CADPS2: variants seen among roughly 807,000 people sequenced by gnomAD.
CADPS2 encodes calcium-dependent secretion activator 2.
In CADPS2, 93 loss-of-function variants were observed where a neutral mutation model predicts 172.5. That is an observed-to-expected ratio of 0.54 (90% CI 0.46 to 0.64). The LOEUF is 0.64. CADPS2 is among the 30% of genes least tolerant of loss of function. The pLI is 0.00. For missense variants in CADPS2, 1,420 were observed against 1,565.9 expected, an observed-to-expected ratio of 0.91 and a Z score of 1.57; for synonymous variants, 546 against 555.2, an observed-to-expected ratio of 0.98 and a Z score of 0.23.
chr7:122,746,654 C>T (rs1343985627), intron 1 of CADPS2, among the ~76,000 whole-genome samples: 1 of 151,998 alleles, frequency 6.6e-6, no homozygotes, highest in Non-Finnish European at 1.5e-5. Flanking sequence ...CACACACACA[C>T]ACACACCCTC....
chr7:122,720,905 G>A (rs1376149714), intron 2 of CADPS2, among the ~76,000 whole-genome samples: 1 of 151,838 alleles, frequency 6.6e-6, no homozygotes, highest in Admixed American at 6.6e-5. Flanking sequence ...AATATTGGCA[G>A]TTTCATATGG....
intron 3 of CADPS2, among the ~76,000 whole-genome samples, chr7:122,643,901 G>C (rs781780081): frequency 6.6e-6 from 1 of 151,938 alleles, no homozygotes; most frequent in Non-Finnish European, 1.5e-5. Flanking sequence ...GACCAGCTTG[G>C]GCAACATGGC....
chr7:122,610,151 TAA>T lies in CADPS2; in HGVS notation c.1223+5028_1223+5029del, dbSNP rs71161311. On this transcript the variant is annotated intron_variant, in intron 6 of 29. Transcript: ENST00000449022. Reference sequence around the variant, plus strand: ...ACAAATTTCCTTATAGAAAGAGTAATAAAAAAAAAAAAGAGCACTGGGGGCTT... The same window carrying T: ...ACAAATTTCCTTATAGAAAGAGTAATAAAAAAAAAAGAGCACTGGGGGCTT... 1.2e-3 allele frequency among the ~76,000 whole-genome samples: 168 copies of T among 145,026 alleles called. 1 individual carries two copies. Among genetic ancestry groups the T allele is most frequent in the African/African-American group, 4.1e-3 (162 of 39,476 alleles).
At chr7:122,689,554 G>A (rs1032973287) in intron 2 of CADPS2, among the ~76,000 whole-genome samples, 7 of 152,150 alleles carry the variant, frequency 4.6e-5, no homozygotes, top group African/African-American at 1.2e-4. Context: ...AACTGGAAAC[G>A]CAGCACCCTC....
At chr7:122,782,414 C>A (rs2139426247) in intron 1 of CADPS2, among the ~76,000 whole-genome samples, 1 of 152,246 alleles carries the variant, frequency 6.6e-6, no homozygotes, top group East Asian at 1.9e-4. Context: ...GGCTTTTAAG[C>A]CTGGGCAACA....
intron 16 of CADPS2, among the ~76,000 whole-genome samples, chr7:122,438,687 T>G (rs1467686267): frequency 6.6e-6 from 1 of 152,074 alleles, no homozygotes; most frequent in East Asian, 1.9e-4. Context: ...TAGCTCCTCC[T>G]AAGCCTAATT....
rs539850340 is a variant in CADPS2, at chr7:122,846,569, T to C, written c.339+39430A>G. ...TAAAATTAATATACAGATAAAGGAA[T>C]TGCAATATTAGTTATAAAGCAGAAG... On this transcript the variant is annotated intron_variant, in intron 1 of 29. Coordinates refer to ENST00000449022, the MANE Select transcript of CADPS2 (RefSeq NM_017954.11). Among the ~76,000 whole-genome samples the C allele has an allele frequency of 7.5e-4, 114 of 152,294 alleles. No individual in the cohort carries two copies. The Middle Eastern group carries it at 0.01, about 14-fold the overall frequency.
intron 8 of CADPS2, among the ~76,000 whole-genome samples, chr7:122,547,815 G>A (rs2063780293): frequency 6.6e-6 from 1 of 152,188 alleles, no homozygotes; most frequent in African/African-American, 2.4e-5. Flanking sequence ...ATGGGCTGCT[G>A]TAGAGACAGC....
chr7:122,408,652 C>A (rs1420573667), intron 19 of CADPS2, among the ~76,000 whole-genome samples: 1 of 152,182 alleles, frequency 6.6e-6, no homozygotes, highest in African/African-American at 2.4e-5. Flanking sequence ...GTCTCCAACT[C>A]CTGGCCTCAA....
chr7:122,730,391 T>C (rs1047563434), intron 2 of CADPS2, among the ~76,000 whole-genome samples: 1 of 151,744 alleles, frequency 6.6e-6, no homozygotes, highest in African/African-American at 2.4e-5. Flanking sequence ...TCTGTATAAA[T>C]AACCTAAACA....
intron 1 of CADPS2, among the ~76,000 whole-genome samples, chr7:122,743,947 T>C (rs779668784): frequency 3.3e-5 from 5 of 152,148 alleles, no homozygotes; most frequent in Non-Finnish European, 5.9e-5. Context: ...GCTGATATTA[T>C]CAGTGTCGTA....
intron 3 of CADPS2, among the ~76,000 whole-genome samples, chr7:122,651,636 G>C (rs978158340): frequency 6.6e-5 from 10 of 152,120 alleles, no homozygotes; most frequent in African/African-American, 2.4e-4. Flanking sequence ...AAGAATTTGA[G>C]TGGGAGGAGG....
chr7:122,692,602 A>G (rs2084531907), intron 2 of CADPS2, among the ~76,000 whole-genome samples: 1 of 152,190 alleles, frequency 6.6e-6, no homozygotes, highest in Non-Finnish European at 1.5e-5. Context: ...CTGCGGCCAC[A>G]TAGCCGACCC....
At chr7:122,392,245 T>A (rs2044462354) in intron 22 of CADPS2, among the ~76,000 whole-genome samples, 1 of 152,098 alleles carries the variant, frequency 6.6e-6, no homozygotes, top group African/African-American at 2.4e-5. Flanking sequence ...ACTATACCAT[T>A]ATAAATTATA....
intron 17 of CADPS2, among the ~76,000 whole-genome samples, chr7:122,429,352 G>C (rs1471928523): frequency 6.8e-6 from 1 of 147,586 alleles, no homozygotes; most frequent in Non-Finnish European, 1.5e-5. Context: ...GATCAGTATA[G>C]CTCAAGCAAT....
chr7:122,814,305 A>G (rs1413327822), intron 1 of CADPS2, among the ~76,000 whole-genome samples: 3 of 152,038 alleles, frequency 2.0e-5, no homozygotes, highest in Admixed American at 1.3e-4. Context: ...TGATGACATG[A>G]TATCTTCTTA....
At chr7:122,727,510 C>T (rs1471838143) in intron 2 of CADPS2, among the ~76,000 whole-genome samples, 1 of 151,556 alleles carries the variant, frequency 6.6e-6, no homozygotes, top group East Asian at 2.0e-4. Context: ...GAAGAGTTAA[C>T]AGAGGTCTAG....
chr7:122,692,451 G>A (rs1194589428), intron 2 of CADPS2, among the ~76,000 whole-genome samples: 2 of 152,202 alleles, frequency 1.3e-5, no homozygotes, highest in East Asian at 3.9e-4. Flanking sequence ...TGCCAGCGAA[G>A]GTATGCTTTT....
At chr7:122,385,161 C>A (rs1444087901) in intron 24 of CADPS2, among the ~76,000 whole-genome samples, 1 of 151,786 alleles carries the variant, frequency 6.6e-6, no homozygotes, top group Non-Finnish European at 1.5e-5. Context: ...AAGCTAGCTG[C>A]CTACTTATTC....
Sources: gnomAD v4.1 joint callset for allele counts (sites outside exome capture counted in the v4.1 genomes callset) on GRCh38, gnomAD v4.1.1 for gene constraint, MANE v1.5 for transcripts, NCBI Gene and HGNC (gene_info 2026-07-23, HGNC 2026-07-21) for gene names.